Variants in CCDC73 observed in about 807,000 individuals in gnomAD.
CCDC73 encodes the protein coiled-coil domain-containing protein 73.
Under a neutral mutation model 116.5 loss-of-function variants are expected in CCDC73, and 95 were observed. The observed-to-expected ratio is 0.82, with a 90% confidence interval of 0.69 to 0.97. The LOEUF (loss-of-function observed/expected upper bound fraction) is 0.97. Ranked by LOEUF, CCDC73 falls within the 50% of genes least tolerant of loss-of-function variation. The pLI is 0.00. For missense variants in CCDC73, 1,066 were observed against 1,206.8 expected (o/e 0.88, Z 1.73); for synonymous variants, 398 against 401.3 (o/e 0.99, Z 0.10).
chr11:32,675,246 C>T lies in CCDC73; in HGVS notation c.645+319G>A, dbSNP rs145743497. The stretch of plus-strand genomic sequence containing the variant: ...CTGTATCCTTAGTGCCACATAGCAC[C>T]CAGTATATAAAAGTCACTCAATAAA... On this transcript the variant is annotated intron_variant, in intron 9 of 17. Coordinates refer to ENST00000335185, the MANE Select transcript of CCDC73 (RefSeq NM_001008391.4). Among the ~76,000 whole-genome samples the T allele has an allele frequency of 4.6e-3, 697 of 151,966 alleles. 6 individuals carry two copies. Among genetic ancestry groups the T allele is most frequent in the Non-Finnish European group, 7.5e-3 (507 of 67,952 alleles).
intron 13 of CCDC73, among the ~76,000 whole-genome samples, chr11:32,637,844 C>T (rs1489366444): frequency 6.6e-6 from 1 of 152,146 alleles, no homozygotes; most frequent in African/African-American, 2.4e-5. Flanking sequence ...AAATCTATAT[C>T]TCCTCCCCAA....
At chr11:32,725,974 A>G (rs549479427) in intron 2 of CCDC73, among the ~76,000 whole-genome samples, 18 of 152,348 alleles carry the variant, frequency 1.2e-4, no homozygotes, top group Non-Finnish European at 1.8e-4. Flanking sequence ...ACACTTTTAG[A>G]GTACAAAGTG....
intron 1 of CCDC73, among the ~76,000 whole-genome samples, chr11:32,784,131 A>G (rs942404236): frequency 7.9e-5 from 12 of 152,192 alleles, no homozygotes; most frequent in African/African-American, 2.7e-4. Flanking sequence ...GGAGTTCAAG[A>G]CCAGCCTGAC....
intron 1 of CCDC73, among the ~76,000 whole-genome samples, chr11:32,778,751 A>G (rs1252892391): frequency 2.6e-5 from 4 of 152,060 alleles, no homozygotes; most frequent in Non-Finnish European, 5.9e-5. Context: ...GTCAGCTGAG[A>G]TCATGCCATT....
intron 2 of CCDC73, among the ~76,000 whole-genome samples, chr11:32,728,896 G>C (rs1170133585): frequency 2.0e-5 from 3 of 152,040 alleles, no homozygotes; most frequent in African/African-American, 7.2e-5. Context: ...GTAGAGATGG[G>C]GTTTCACCAT....
intron 12 of CCDC73, among the ~76,000 whole-genome samples, chr11:32,645,328 G>C (rs1590565413): frequency 9.1e-6 from 1 of 109,710 alleles, no homozygotes. Flanking sequence ...GTCTTGCTCT[G>C]TTGCCCAGGC....
intron 9 of CCDC73, among the ~76,000 whole-genome samples, chr11:32,658,634 A>G (rs922564187): frequency 1.3e-5 from 2 of 152,198 alleles, no homozygotes; most frequent in African/African-American, 4.8e-5. Context: ...TTAAATCAGT[A>G]TCTTAGTAAA....
At chr11:32,709,830 G>A (rs1448366232) in intron 3 of CCDC73, among the ~76,000 whole-genome samples, 2 of 152,150 alleles carry the variant, frequency 1.3e-5, no homozygotes, top group African/African-American at 2.4e-5. Flanking sequence ...AATCCGTCTG[G>A]TCCTAGACAT....
At chr11:32,821,189 T>C in the CCDC73 span, among the ~76,000 whole-genome samples, 2 of 152,222 alleles carry the variant, frequency 1.3e-5, no homozygotes, top group African/African-American at 4.8e-5. Context: ...GGGTCACTTT[T>C]TCATTTAATT....
At chr11:32,702,754 T>C in intron 4 of CCDC73, 119 bp downstream of exon 4, 1 of 746,384 alleles carries the variant, frequency 1.3e-6, no homozygotes, top group Non-Finnish European at 2.4e-6. Flanking sequence ...CTTCCCATAA[T>C]ACCTTGTTCT....
At chr11:32,732,009 A>G (rs988737315) in intron 2 of CCDC73, among the ~76,000 whole-genome samples, 3 of 152,208 alleles carry the variant, frequency 2.0e-5, no homozygotes, top group African/African-American at 7.2e-5. Flanking sequence ...CAAAGAAGCT[A>G]AAAACCTTGA....
Position 32,714,014 on chromosome 11 carries a change from C to T in CCDC73, c.207+4062G>A, listed in dbSNP as rs146183860. Among the ~76,000 whole-genome samples, 1,094 of 152,150 alleles carry T rather than the reference C, an allele frequency of 7.2e-3. 12 individuals carry two copies. Among genetic ancestry groups the T allele is most frequent in the African/African-American group, 0.025 (1,023 of 41,566 alleles). On this transcript the variant is annotated intron_variant, in intron 3 of 17. Coordinates refer to ENST00000335185, the MANE Select transcript of CCDC73 (RefSeq NM_001008391.4). ...AACTTCTTGCCAGAGAGCTACAGTT[C>T]TGTGAGTAGAAAAACAAATTACTTG... is the stretch of plus-strand genomic sequence containing the variant.
At chr11:32,764,304 A>G (rs909407410) in intron 1 of CCDC73, among the ~76,000 whole-genome samples, 2 of 152,212 alleles carry the variant, frequency 1.3e-5, no homozygotes, top group South Asian at 2.1e-4. Context: ...TCCAAGACAC[A>G]TAATTGTCAG....
intron 9 of CCDC73, among the ~76,000 whole-genome samples, chr11:32,662,855 A>T (rs538291272): frequency 1.7e-4 from 26 of 152,112 alleles, no homozygotes; most frequent in African/African-American, 6.0e-4. Flanking sequence ...ATCTTGAATT[A>T]ATTTTTGTAT....
At chr11:32,683,456 G>T in intron 7 of CCDC73, 80 bp downstream of exon 7, 2 of 904,170 alleles carry the variant, frequency 2.2e-6, no homozygotes, top group Non-Finnish European at 3.7e-6. Context: ...CACTATAAAT[G>T]TCACATTTTA....
In CCDC73 at chr11:32,602,859, C is replaced by T. The variant is rs201893; in HGVS notation, c.3192G>A (p.Lys1064=). The T allele has an allele frequency of 0.25, 405,929 of 1,604,700 alleles. 53,877 individuals are homozygous for T. The highest frequency in any genetic ancestry group is 0.27 in the Non-Finnish European group (317,192 of 1,173,946). ...CCAACGTCTCTTCTGCTTTTCTTTTCTTTGGCTGGTTGTCATTTTCTAAAC... is the reference window on the plus strand; with the variant it reads ...CCAACGTCTCTTCTGCTTTTCTTTTTTTTGGCTGGTTGTCATTTTCTAAAC... ...LLSLENDNQP[K]KRKAEETLEK... The change falls in exon 18 of 18, where the codon AAG becomes AAA. Residue 1064 remains lysine, a synonymous_variant. Coordinates refer to ENST00000335185, the MANE Select transcript of CCDC73 (RefSeq NM_001008391.4).
chr11:32,779,534 C>G (rs1237414356), intron 1 of CCDC73, among the ~76,000 whole-genome samples: 1 of 152,100 alleles, frequency 6.6e-6, no homozygotes, highest in African/African-American at 2.4e-5. Flanking sequence ...ATTCATAATG[C>G]CAAAAGGCTA....
At chr11:32,794,494 A>C (rs1850705702) in intron 1 of CCDC73, 119 bp downstream of exon 1, 1 of 152,440 alleles carries the variant, frequency 6.6e-6, no homozygotes, top group Admixed American at 6.5e-5. Flanking sequence ...AACCAGAGCA[A>C]GGAAGGGTAG....
chr11:32,728,366 T>C (rs1850047018), intron 2 of CCDC73, among the ~76,000 whole-genome samples: 1 of 152,224 alleles, frequency 6.6e-6, no homozygotes. Flanking sequence ...GTGGTTCAAA[T>C]TGCTCCAGTT....
Sources: gnomAD v4.1 joint callset for allele counts (sites outside exome capture counted in the v4.1 genomes callset) on GRCh38, gnomAD v4.1.1 for gene constraint, MANE v1.5 for transcripts, NCBI Gene and HGNC (gene_info 2026-07-23, HGNC 2026-07-21) for gene names.